Variants in VAV3 observed in about 807,000 individuals in gnomAD.
The protein encoded by VAV3 is guanine nucleotide exchange factor VAV3.
In VAV3, 94 loss-of-function variants were observed where a neutral mutation model predicts 131.2. The observed-to-expected ratio is 0.72, with a 90% confidence interval of 0.61 to 0.85. The LOEUF is 0.85. Ranked by LOEUF, VAV3 falls within the 40% of genes least tolerant of loss-of-function variation. The pLI is 0.00. For synonymous variants in VAV3, 349 were observed against 342.0 expected, an observed-to-expected ratio of 1.02 and a Z score of -0.22; for missense variants, 939 against 1,002.7, an observed-to-expected ratio of 0.94 and a Z score of 0.86.
chr1:107,644,700 GT>G (rs1473980985), intron 19 of VAV3, among the ~76,000 whole-genome samples: 2 of 151,990 alleles, frequency 1.3e-5, no homozygotes, highest in African/African-American at 2.4e-5. Context: ...TTCACAGAGT[GT>G]TTAGGAAAAA....
intron 1 of VAV3, among the ~76,000 whole-genome samples, chr1:107,957,792 C>G (rs548705158): frequency 9.9e-5 from 15 of 151,824 alleles, no homozygotes; most frequent in Non-Finnish European, 1.8e-4. Flanking sequence ...TAAAAACAAT[C>G]CACTGTATTT....
At chr1:107,859,134 T>C (rs1669619328) in intron 2 of VAV3, among the ~76,000 whole-genome samples, 1 of 151,480 alleles carries the variant, frequency 6.6e-6, no homozygotes, top group Non-Finnish European at 1.5e-5. Flanking sequence ...TCACTCAGGC[T>C]GGAGTAGAGT....
chr1:107,616,639 C>A (rs192467704), intron 21 of VAV3, among the ~76,000 whole-genome samples: 4 of 152,130 alleles, frequency 2.6e-5, no homozygotes, highest in African/African-American at 2.4e-5. Context: ...GAGTAACAGA[C>A]GCTTTTCTAT....
intron 9 of VAV3, among the ~76,000 whole-genome samples, chr1:107,761,783 C>A (rs918126586): frequency 6.6e-6 from 1 of 151,972 alleles, no homozygotes; most frequent in Admixed American, 6.6e-5. Context: ...GCTGTATGCC[C>A]CTAAGAATGT....
intron 25 of VAV3, among the ~76,000 whole-genome samples, chr1:107,587,357 C>G (rs1327719072): frequency 2.6e-5 from 4 of 152,004 alleles, no homozygotes; most frequent in African/African-American, 9.7e-5. Context: ...AGTCATATAT[C>G]AGGAAAAAAG....
chr1:107,761,817 C>T (rs548676663), intron 9 of VAV3, among the ~76,000 whole-genome samples: 1 of 152,256 alleles, frequency 6.6e-6, no homozygotes, highest in African/African-American at 2.4e-5. Flanking sequence ...TAAGTATTTA[C>T]TGAACTGAAT....
At chr1:107,595,750 A>C (rs1444348306) in intron 25 of VAV3, among the ~76,000 whole-genome samples, 1 of 152,164 alleles carries the variant, frequency 6.6e-6, no homozygotes, top group Non-Finnish European at 1.5e-5. Flanking sequence ...CTAGCATCCA[A>C]AAAAACACAT....
chr1:107,759,432 C>G (rs1006012926), intron 10 of VAV3, among the ~76,000 whole-genome samples: 3 of 152,128 alleles, frequency 2.0e-5, no homozygotes, highest in African/African-American at 7.2e-5. Flanking sequence ...AATCATCAAG[C>G]ATTTCAAGTG....
intron 17 of VAV3, among the ~76,000 whole-genome samples, chr1:107,694,600 T>A (rs2101801038): frequency 6.6e-6 from 1 of 152,238 alleles, no homozygotes; most frequent in Non-Finnish European, 1.5e-5. Flanking sequence ...CAGGTAAGGT[T>A]TTTATTCCAC....
intron 20 of VAV3, among the ~76,000 whole-genome samples, chr1:107,641,871 T>C (rs964216774): frequency 3.9e-5 from 6 of 152,170 alleles, no homozygotes; most frequent in African/African-American, 1.4e-4. Context: ...CCCACAGCAC[T>C]GATAGTATTT....
At position 107,749,564 on chromosome 1, in the gene VAV3, G is replaced by A. The variant is rs200181110; in HGVS notation, c.1290C>T (p.Ile430=). 8.3e-5 allele frequency: 133 copies of A among 1,610,968 alleles called. No individual in the cohort carries two copies. Among genetic ancestry groups the A allele is most frequent in the East Asian group, 6.5e-4 (29 of 44,674 alleles). Residue 430 remains isoleucine, a synonymous_variant, in exon 14 of 27, where the codon ATC becomes ATT. Transcript: ENST00000370056. ...RHIFLFDLAV[I]VCKRKGDNYE... is the part of the protein sequence containing the mutation. ...AGTTATCACCTTTTCTCTTACATAC[G>A]ATCACTGCCAAATCAAATAAGAAGA...
intron 1 of VAV3, among the ~76,000 whole-genome samples, chr1:107,928,169 G>A (rs1010174722): frequency 2.0e-5 from 3 of 152,208 alleles, no homozygotes; most frequent in African/African-American, 7.2e-5. Flanking sequence ...CATCAAGGCG[G>A]TGCCTCTACA....
intron 20 of VAV3, among the ~76,000 whole-genome samples, chr1:107,621,258 A>G (rs1048005349): frequency 1.3e-5 from 2 of 152,116 alleles, no homozygotes; most frequent in African/African-American, 4.8e-5. Flanking sequence ...TGTAGATGAC[A>G]GAGAGGTGAG....
Position 107,964,712 on chromosome 1 carries a change from T to C in VAV3, c.158A>G (p.His53Arg), listed in dbSNP as rs760740826. The change falls in exon 1 of 27, where the codon CAC becomes CGC. Residue 53 changes from histidine (H) to arginine (R), a missense_variant. Coordinates refer to ENST00000370056, the MANE Select transcript of VAV3 (RefSeq NM_006113.5). ...LCQLLNNLRA[H>R]SINLKEINLR... ...GTTGATCTCCTTCAGGTTGATGGAG[T>C]GCGCCCGGAGGTTGTTAAGCAGCTG... is the stretch of plus-strand genomic sequence containing the variant. The C allele has an allele frequency of 1.2e-6, 2 of 1,613,870 alleles. No individual in the cohort carries two copies. The highest frequency in any genetic ancestry group is 2.2e-5 in the South Asian group (2 of 91,054).
chr1:107,812,070 T>C (rs999065389), intron 2 of VAV3, among the ~76,000 whole-genome samples: 1 of 152,212 alleles, frequency 6.6e-6, no homozygotes, highest in Non-Finnish European at 1.5e-5. Context: ...AATCACATTT[T>C]CTTAGAAAAT....
intron 15 of VAV3, among the ~76,000 whole-genome samples, chr1:107,733,563 A>C (rs1662395576): frequency 1.3e-5 from 2 of 152,244 alleles, no homozygotes; most frequent in African/African-American, 4.8e-5. Flanking sequence ...GATGGAGCTG[A>C]AAACCATGGC....
chr1:107,668,682 AGGAACTATGTTT>A, intron 19 of VAV3: 7 of 985,456 alleles, frequency 7.1e-6, no homozygotes, highest in Non-Finnish European at 8.4e-6. Context: ...GCGTGGTCCC[AGGAACTATGTTT>A]GGACAGTCTA....
At chr1:107,812,741 A>T (rs1002216450) in intron 2 of VAV3, among the ~76,000 whole-genome samples, 1 of 152,212 alleles carries the variant, frequency 6.6e-6, no homozygotes, top group Non-Finnish European at 1.5e-5. Context: ...TAGGAATAGG[A>T]TAAAAATAAG....
chr1:107,860,870 A>G (rs1231312119), intron 2 of VAV3, among the ~76,000 whole-genome samples: 1 of 151,690 alleles, frequency 6.6e-6, no homozygotes, highest in Non-Finnish European at 1.5e-5. Context: ...ATCTTTTACA[A>G]AAAAAGAAGA....
Sources: gnomAD v4.1 joint callset for allele counts (sites outside exome capture counted in the v4.1 genomes callset) on GRCh38, gnomAD v4.1.1 for gene constraint, MANE v1.5 for transcripts, NCBI Gene and HGNC (gene_info 2026-07-23, HGNC 2026-07-21) for gene names.